The following GKAP1 variants were observed in gnomAD, a reference collection of about 807,000 sequenced individuals.
GKAP1 encodes the protein G kinase anchoring protein 1.
A neutral mutation model predicts 56.7 loss-of-function variants in GKAP1; 31 were observed. The ratio of observed to expected loss-of-function variants is 0.55; its 90% CI spans 0.41 to 0.74. The LOEUF is 0.74. Ranked by LOEUF, GKAP1 falls within the 30% of genes least tolerant of loss-of-function variation. GKAP1 has a pLI of 0.00. For synonymous variants in GKAP1, 151 were observed against 138.6 expected, an observed-to-expected ratio of 1.09 and a Z score of -0.63; for missense variants, 364 against 402.3, an observed-to-expected ratio of 0.90 and a Z score of 0.82.
At chr9:83,770,172 AT>A (rs1462262595) in intron 7 of GKAP1, among the ~76,000 whole-genome samples, 3 of 152,144 alleles carry the variant, frequency 2.0e-5, no homozygotes, top group South Asian at 2.1e-4. Context: ...TCTTGATGGT[AT>A]TCTTTGTATC....
rs372971569 is a variant in GKAP1 at position 83,755,657 on chromosome 9, CA to C, written c.739-2299del. On this transcript the variant is annotated intron_variant, in intron 8 of 12. Coordinates refer to ENST00000376371, the MANE Select transcript of GKAP1 (RefSeq NM_025211.4). ...GTAGATGTGATTTGATGAAAGATCT[CA>C]AAAAAAAACCACTGTAACAAAATAA... Among the ~76,000 whole-genome samples, 1,189 of 145,892 alleles carry C rather than the reference CA, an allele frequency of 8.1e-3. 30 individuals carry two copies. The highest frequency in any genetic ancestry group is 0.039 in the East Asian group (188 of 4,768).
chr9:83,812,280 C>CACATATATACGTATATATATACGTAT (rs1414095193), intron 2 of GKAP1, among the ~76,000 whole-genome samples: 227 of 146,512 alleles, frequency 1.5e-3, no homozygotes, highest in Admixed American at 2.7e-3. Flanking sequence ...CATATATATA[C>CACATATATACGTATATATATACGTAT]ACATATATAC....
intron 5 of GKAP1, among the ~76,000 whole-genome samples, chr9:83,786,728 A>T (rs1266218672): frequency 6.6e-6 from 1 of 152,172 alleles, no homozygotes; most frequent in Non-Finnish European, 1.5e-5. Flanking sequence ...CACACAAAAG[A>T]AGTTCCTCCC....
At position 83,799,225 on chromosome 9, in the gene GKAP1, C is replaced by T. The variant is rs754262322; in HGVS notation, c.320G>A (p.Arg107Gln). Reference sequence around the variant, plus strand: ...TCTCCACTCTTGCCAATTTTCTTCTCGTGAATCCTTCTGTACTGGGTTTGA... The same window carrying T: ...TCTCCACTCTTGCCAATTTTCTTCTTGTGAATCCTTCTGTACTGGGTTTGA... ...PLSNPVQKDSREENWQEWRQR... is the reference protein window; with the variant it reads ...PLSNPVQKDSQEENWQEWRQR... Residue 107 changes from arginine (R) to glutamine (Q), a missense_variant, in exon 4 of 13, where the codon CGA becomes CAA. Physicochemically the swap from Arg to Gln is conservative, Grantham distance 43. Transcript: ENST00000376371. The T allele has an allele frequency of 5.0e-6, 8 of 1,613,408 alleles. No homozygotes were observed. Among genetic ancestry groups the T allele is most frequent in the Admixed American group, 1.7e-5 (1 of 59,916 alleles).
intron 7 of GKAP1, among the ~76,000 whole-genome samples, chr9:83,777,057 G>A (rs945704432): frequency 1.2e-4 from 19 of 152,074 alleles, no homozygotes; most frequent in Admixed American, 7.9e-4. Context: ...AGTAGTACAC[G>A]GACATGATAG....
intron 2 of GKAP1, among the ~76,000 whole-genome samples, chr9:83,814,250 C>T (rs893407242): frequency 6.6e-6 from 1 of 152,188 alleles, no homozygotes; most frequent in Non-Finnish European, 1.5e-5. Flanking sequence ...CCTCTTTCTT[C>T]AGATTTTGCA....
At chr9:83,759,474 G>A (rs1325858238) in intron 8 of GKAP1, among the ~76,000 whole-genome samples, 1 of 151,690 alleles carries the variant, frequency 6.6e-6, no homozygotes. Flanking sequence ...TTATATGAAT[G>A]TCATCAAATT....
intron 7 of GKAP1, among the ~76,000 whole-genome samples, chr9:83,770,869 G>A (rs10125556): frequency 0.55 from 83,207 of 151,968 alleles, 23,692 homozygotes; most frequent in Admixed American, 0.69. Flanking sequence ...GTTACATTAC[G>A]TTTTAAAATA....
chr9:83,742,057 G>T, intron 11 of GKAP1, 28 bp from the exon 12 acceptor site: 2 of 1,486,836 alleles, frequency 1.3e-6, no homozygotes, highest in East Asian at 2.3e-5. Context: ...ATAAGAAAAA[G>T]AATTTTTGGG....
chr9:83,804,494 T>C (rs1326716370), intron 3 of GKAP1, among the ~76,000 whole-genome samples: 184 of 56,660 alleles, frequency 3.2e-3, no homozygotes, highest in South Asian at 5.6e-3. Flanking sequence ...GCCCCTCTGC[T>C]CGGCCAGCCG....
chr9:83,763,997 A>C (rs1382438793), intron 8 of GKAP1, among the ~76,000 whole-genome samples: 1 of 152,196 alleles, frequency 6.6e-6, no homozygotes, highest in Non-Finnish European at 1.5e-5. Flanking sequence ...TGAGGAACCT[A>C]AGTATGTCCT....
At chr9:83,813,538 T>G (rs1308889255) in intron 2 of GKAP1, among the ~76,000 whole-genome samples, 1 of 152,164 alleles carries the variant, frequency 6.6e-6, no homozygotes, top group African/African-American at 2.4e-5. Context: ...GGAGATCACT[T>G]AAGTCCAGGA....
At chr9:83,758,207 G>T (rs1014671993) in intron 8 of GKAP1, among the ~76,000 whole-genome samples, 1 of 152,056 alleles carries the variant, frequency 6.6e-6, no homozygotes, top group Non-Finnish European at 1.5e-5. Context: ...TTAAAAAATC[G>T]ATTCCAAGGA....
intron 6 of GKAP1, among the ~76,000 whole-genome samples, chr9:83,781,294 C>T (rs773196499): frequency 6.6e-6 from 1 of 152,132 alleles, no homozygotes; most frequent in East Asian, 1.9e-4. Flanking sequence ...ACCCAGGAGG[C>T]GGAGGCTGCA....
At chr9:83,796,177 C>G (rs1944243827) in intron 4 of GKAP1, among the ~76,000 whole-genome samples, 1 of 152,064 alleles carries the variant, frequency 6.6e-6, no homozygotes, top group Non-Finnish European at 1.5e-5. Context: ...AGCAATATTC[C>G]TGCCTCAACC....
intron 2 of GKAP1, among the ~76,000 whole-genome samples, chr9:83,807,514 T>C (rs1378106895): frequency 1.3e-5 from 2 of 152,166 alleles, no homozygotes; most frequent in Non-Finnish European, 2.9e-5. Flanking sequence ...AATATTCAAT[T>C]TGAAAAAATT....
At chr9:83,789,761 A>C (rs1944124258) in intron 4 of GKAP1, among the ~76,000 whole-genome samples, 1 of 108,606 alleles carries the variant, frequency 9.2e-6, no homozygotes, top group African/African-American at 3.0e-5. Flanking sequence ...TTTGAGAACA[A>C]AGGAAAAGCA....
intron 4 of GKAP1, among the ~76,000 whole-genome samples, chr9:83,796,107 C>T (rs1408735275): frequency 6.6e-6 from 1 of 151,834 alleles, no homozygotes; most frequent in Non-Finnish European, 1.5e-5. Flanking sequence ...AATCTTTTTT[C>T]TTTTTTTAGA....
intron 3 of GKAP1, among the ~76,000 whole-genome samples, chr9:83,801,292 G>A (rs536449883): frequency 6.6e-6 from 1 of 152,234 alleles, no homozygotes; most frequent in Non-Finnish European, 1.5e-5. Flanking sequence ...TCTACTCAGA[G>A]TCTCAGAGAA....
Sources: gnomAD v4.1 joint callset for allele counts (sites outside exome capture counted in the v4.1 genomes callset) on GRCh38, gnomAD v4.1.1 for gene constraint, MANE v1.5 for transcripts, NCBI Gene and HGNC (gene_info 2026-07-23, HGNC 2026-07-21) for gene names.